Variants in OSBPL10 observed in about 807,000 individuals in gnomAD.
OSBPL10 encodes the protein oxysterol binding protein like 10, also known as oxysterol-binding protein-related protein 10.
Under a neutral mutation model 81.7 loss-of-function variants are expected in OSBPL10, and 49 were observed. The observed-to-expected ratio is 0.60, with a 90% CI of 0.48 to 0.76. The LOEUF (loss-of-function observed/expected upper bound fraction) is 0.76. Ranked by LOEUF, OSBPL10 falls within the 30% of genes least tolerant of loss-of-function variation. OSBPL10 has a pLI of 0.00. For missense variants in OSBPL10, 923 were observed against 987.8 expected, an observed-to-expected ratio of 0.93 and a Z score of 0.88; for synonymous variants, 419 against 383.6, an observed-to-expected ratio of 1.09 and a Z score of -1.08.
At chr3:31,673,867 C>T (rs1700387909) in intron 8 of OSBPL10, among the ~76,000 whole-genome samples, 1 of 152,018 alleles carries the variant, frequency 6.6e-6, no homozygotes, top group South Asian at 2.1e-4. Context: ...GATCATGGCT[C>T]ACTGCAGCCT....
At chr3:31,960,141 A>AC (rs1419801982) in intron 1 of OSBPL10, 1 of 152,182 alleles carries the variant, frequency 6.6e-6, no homozygotes, top group Non-Finnish European at 1.5e-5. Flanking sequence ...GAAATTACGT[A>AC]CCGAAAAACT....
chr3:31,830,112 C>A lies in OSBPL10; in HGVS notation c.657G>T (p.Thr219=). The change falls in exon 4 of 12, where the codon ACG becomes ACT. Residue 219 remains threonine (T), a synonymous_variant. Coordinates refer to ENST00000396556, the MANE Select transcript of OSBPL10 (RefSeq NM_017784.5). ...GGGCGGCTGCAGGCGACTTGTGATG[C>A]GTGATTGTGACAACACCGGGGGCCC... The part of the protein sequence containing the change: ...SVGAPGVVTI[T]HHKSPAAARR... 1 of 1,614,050 alleles carries A rather than the reference C, an allele frequency of 6.2e-7. No individual in the cohort carries two copies. The highest frequency in any genetic ancestry group is 8.5e-7 in the Non-Finnish European group (1 of 1,180,012).
At chr3:31,990,223 C>A in intron 2 of OSBPL10, 1 of 1,612,994 alleles carries the variant, frequency 6.2e-7, no homozygotes, top group Non-Finnish European at 8.5e-7. Context: ...CTTTAGTGGG[C>A]AGTCAACACT....
chr3:32,012,654 G>A (rs530552746), intron 2 of OSBPL10, among the ~76,000 whole-genome samples: 97 of 152,270 alleles, frequency 6.4e-4, no homozygotes, highest in African/African-American at 2.3e-3. Context: ...TGGCAAATTG[G>A]ATCAAGAGTC....
At chr3:31,757,321 A>C (rs1331243435) in intron 4 of OSBPL10, among the ~76,000 whole-genome samples, 1 of 152,182 alleles carries the variant, frequency 6.6e-6, no homozygotes, top group Non-Finnish European at 1.5e-5. Flanking sequence ...AATTTGGGCC[A>C]GGAATAGTGG....
intron 2 of OSBPL10, among the ~76,000 whole-genome samples, chr3:32,030,907 T>C (rs1036720081): frequency 6.6e-6 from 1 of 152,102 alleles, no homozygotes; most frequent in African/African-American, 2.4e-5. Flanking sequence ...GGCTCACACC[T>C]GTAATCCCAG....
chr3:31,952,153 ATTTTG>A (rs1358323722), intron 1 of OSBPL10, among the ~76,000 whole-genome samples: 3 of 152,228 alleles, frequency 2.0e-5, no homozygotes, highest in African/African-American at 7.2e-5. Context: ...ACGATAAAGC[ATTTTG>A]TTTTATTTTG....
At chr3:31,931,300 G>A (rs751812945) in intron 1 of OSBPL10, among the ~76,000 whole-genome samples, 1 of 151,916 alleles carries the variant, frequency 6.6e-6, no homozygotes, top group Non-Finnish European at 1.5e-5. Flanking sequence ...TCCACCCCCA[G>A]CCCCCAACCA....
At chr3:31,775,345 A>C (rs189070148) in intron 4 of OSBPL10, among the ~76,000 whole-genome samples, 1 of 152,278 alleles carries the variant, frequency 6.6e-6, no homozygotes, top group Non-Finnish European at 1.5e-5. Flanking sequence ...GAAAACAGAA[A>C]CATGCAGAGA....
rs552261993 is a variant in OSBPL10, at chr3:31,662,766, CTTG to C, written c.2251-653_2251-651del. 5.3e-4 allele frequency: 524 copies of C among 985,336 alleles called. 1 individual carries two copies. In the African/African-American group the frequency reaches 8.0e-3, roughly 15 times the overall value. The allele number at this position is 985,336 out of a possible 1,614,324, so 61.0% of individuals were successfully genotyped here. On this transcript the variant is annotated intron_variant, in intron 11 of 11. Transcript: ENST00000396556. ...TCAGGAAGAACTGTAAATGTTTTTT[CTTG>C]TTGTTGTTGCTGTTTAATGCACAGC... is the stretch of plus-strand genomic sequence containing the variant.
At position 32,075,642 on chromosome 3, in the gene OSBPL10, C is replaced by T. The variant is rs1575097382; in HGVS notation, n.185+1754G>A. Reference sequence around the variant, plus strand: ...TTTCCCACTGTAGGTTTCCACACAGCCCCTAATCCCGCTTGAAGCAGCCCT... The same window carrying T: ...TTTCCCACTGTAGGTTTCCACACAGTCCCTAATCCCGCTTGAAGCAGCCCT... On this transcript the variant is annotated intron_variant and non_coding_transcript_variant, in intron 1 of 3. Coordinates refer to the OSBPL10 transcript ENST00000479173. Among the ~76,000 whole-genome samples, 3 of 152,276 alleles carry T rather than the reference C, an allele frequency of 2.0e-5. No homozygotes were observed. In the East Asian group the frequency reaches 5.8e-4, roughly 29 times the overall value.
At chr3:31,712,893 A>C (rs995758496) in intron 6 of OSBPL10, among the ~76,000 whole-genome samples, 5 of 150,232 alleles carry the variant, frequency 3.3e-5, no homozygotes, top group Admixed American at 3.3e-4. Flanking sequence ...ACTTGGCCAA[A>C]AGCCTTGGCA....
chr3:31,770,072 G>A (rs1393165533), intron 4 of OSBPL10, among the ~76,000 whole-genome samples: 2 of 152,054 alleles, frequency 1.3e-5, no homozygotes, highest in African/African-American at 4.8e-5. Context: ...GAAACTTGTG[G>A]TCAAAGATAA....
At chr3:32,055,971 T>C (rs1699708404) in intron 1 of OSBPL10, among the ~76,000 whole-genome samples, 1 of 152,200 alleles carries the variant, frequency 6.6e-6, no homozygotes, top group African/African-American at 2.4e-5. Context: ...AGATTCCTTA[T>C]GAAACAAAGT....
At chr3:31,695,083 T>C (rs1204633304) in intron 7 of OSBPL10, among the ~76,000 whole-genome samples, 1 of 152,204 alleles carries the variant, frequency 6.6e-6, no homozygotes, top group Non-Finnish European at 1.5e-5. Flanking sequence ...TGTTCTTGAT[T>C]GATGAGCTAT....
chr3:31,822,381 C>T (rs1284051575), intron 4 of OSBPL10: 2 of 152,142 alleles, frequency 1.3e-5, no homozygotes, highest in Non-Finnish European at 2.9e-5. Flanking sequence ...CCACCTTTTC[C>T]CTCATCATGC....
At chr3:31,713,389 T>A (rs149597989) in intron 6 of OSBPL10, among the ~76,000 whole-genome samples, 161 of 152,212 alleles carry the variant, frequency 1.1e-3, no homozygotes, top group African/African-American at 2.5e-3. Flanking sequence ...TTTTTAATTT[T>A]ATTTTATTTA....
intron 1 of OSBPL10, among the ~76,000 whole-genome samples, chr3:31,883,967 C>T (rs1187752328): frequency 3.3e-5 from 5 of 152,180 alleles, no homozygotes; most frequent in African/African-American, 4.8e-5. Flanking sequence ...CTCTCCTTAC[C>T]GCTCCTACCA....
At chr3:31,867,996 C>T (rs1055493217) in intron 3 of OSBPL10, among the ~76,000 whole-genome samples, 5 of 151,904 alleles carry the variant, frequency 3.3e-5, no homozygotes, top group Admixed American at 3.3e-4. Flanking sequence ...TCCCTCCTCA[C>T]AGAGATGTAA....
Sources: allele counts gnomAD v4.1 joint callset (sites outside exome capture counted in the v4.1 genomes callset), GRCh38; gene constraint gnomAD v4.1.1; transcripts MANE v1.5; gene names NCBI Gene and HGNC (gene_info 2026-07-23, HGNC 2026-07-21).